CSMD1: variants seen among roughly 807,000 people sequenced by gnomAD.
CSMD1 encodes the protein CUB and Sushi multiple domains 1.
Under a neutral mutation model 417.5 loss-of-function variants are expected in CSMD1, and 213 were observed. The observed-to-expected ratio is 0.51, with a 90% CI of 0.46 to 0.57. The LOEUF (loss-of-function observed/expected upper bound fraction) is 0.57. Among genes scored for constraint, CSMD1 ranks in the 20% least tolerant of loss-of-function variants. The pLI is 0.00. For synonymous variants in CSMD1, 2,862 were observed against 1,736.8 expected, an observed-to-expected ratio of 1.65 and a Z score of -16.11; for missense variants, 6,923 against 4,529.7, an observed-to-expected ratio of 1.53 and a Z score of -15.17.
intron 3 of CSMD1, among the ~76,000 whole-genome samples, chr8:4,137,373 G>A (rs755900810): frequency 5.2e-5 from 4 of 77,390 alleles, no homozygotes; most frequent in Non-Finnish European, 1.6e-4. Flanking sequence ...AACTTCTTAT[G>A]CTAAATAGAT....
At chr8:4,845,855 T>G (rs968298391) in intron 1 of CSMD1, among the ~76,000 whole-genome samples, 1 of 152,236 alleles carries the variant, frequency 6.6e-6, no homozygotes, top group African/African-American at 2.4e-5. Flanking sequence ...GCTGAATTTT[T>G]CCCACTACCT....
At chr8:3,253,351 C>G (rs1464102865) in intron 26 of CSMD1, among the ~76,000 whole-genome samples, 9 of 152,076 alleles carry the variant, frequency 5.9e-5, no homozygotes, top group Admixed American at 5.9e-4. Context: ...GAGTGAGTTT[C>G]TTATTTCTGA....
At chr8:3,976,476 A>G (rs1462751164) in intron 5 of CSMD1, among the ~76,000 whole-genome samples, 1 of 152,204 alleles carries the variant, frequency 6.6e-6, no homozygotes, top group Non-Finnish European at 1.5e-5. Context: ...CGGGTCTAGA[A>G]GTGTGACTAA....
chr8:3,058,364 C>T lies in CSMD1; in HGVS notation c.7475-5717G>A, dbSNP rs1190579466. ...GGCCCATGAAACCAGAATATTAGAC[C>T]CGTATTTGTGGGTAGACAGTAAATA... is the stretch of plus-strand genomic sequence containing the variant. On this transcript the variant is annotated intron_variant, in intron 49 of 69. Transcript: ENST00000635120. 2.0e-5 allele frequency among the ~76,000 whole-genome samples: 3 copies of T among 152,072 alleles called. No individual in the cohort carries two copies. In the East Asian group the frequency reaches 5.8e-4, roughly 29 times the overall value.
intron 20 of CSMD1, among the ~76,000 whole-genome samples, chr8:3,366,224 G>C (rs761205810): frequency 3.3e-5 from 5 of 152,138 alleles, no homozygotes; most frequent in Non-Finnish European, 5.9e-5. Context: ...TAGTGCAGCA[G>C]GGCCCTTTCT....
intron 1 of CSMD1, among the ~76,000 whole-genome samples, chr8:4,848,298 G>C (rs1003855947): frequency 2.6e-5 from 4 of 152,134 alleles, no homozygotes; most frequent in African/African-American, 9.7e-5. Flanking sequence ...ACCAGTTTTT[G>C]TGTGAATACA....
At chr8:4,851,312 G>A (rs564461195) in intron 1 of CSMD1, among the ~76,000 whole-genome samples, 2 of 152,010 alleles carry the variant, frequency 1.3e-5, no homozygotes, top group Admixed American at 1.3e-4. Context: ...ATTCTATGGT[G>A]TATACATGCC....
chr8:4,571,226 G>T (rs949958580), intron 2 of CSMD1, among the ~76,000 whole-genome samples: 2 of 152,124 alleles, frequency 1.3e-5, no homozygotes, highest in African/African-American at 4.8e-5. Flanking sequence ...TCTTTCAGTT[G>T]TGATGTTAGG....
At chr8:3,793,988 C>T (rs988145132) in intron 5 of CSMD1, among the ~76,000 whole-genome samples, 1 of 152,200 alleles carries the variant, frequency 6.6e-6, no homozygotes, top group Admixed American at 6.5e-5. Context: ...CTGCTTTCCT[C>T]TTCCTGAACC....
At chr8:2,966,086 A>T in intron 58 of CSMD1, 132 bp from the exon 59 acceptor site, 1 of 729,938 alleles carries the variant, frequency 1.4e-6, no homozygotes, top group Non-Finnish European at 2.3e-6. Flanking sequence ...ATACAGCAAT[A>T]CTACCCTCTG....
chr8:3,311,574 G>C (rs1218801989), intron 23 of CSMD1, among the ~76,000 whole-genome samples: 1 of 152,166 alleles, frequency 6.6e-6, no homozygotes, highest in Non-Finnish European at 1.5e-5. Flanking sequence ...TACAAAACAA[G>C]CTTTATGCTA....
At chr8:4,902,637 C>G (rs1044417012) in intron 1 of CSMD1, among the ~76,000 whole-genome samples, 1 of 152,098 alleles carries the variant, frequency 6.6e-6, no homozygotes, top group Non-Finnish European at 1.5e-5. Context: ...CTATTTAACT[C>G]TTTATAACTT....
intron 3 of CSMD1, among the ~76,000 whole-genome samples, chr8:4,092,581 A>G (rs1800777991): frequency 6.6e-6 from 1 of 152,210 alleles, no homozygotes; most frequent in Non-Finnish European, 1.5e-5. Context: ...TCTTAACACT[A>G]CCAATAATTA....
chr8:3,837,439 G>C (rs1234517569), intron 5 of CSMD1, among the ~76,000 whole-genome samples: 1 of 152,080 alleles, frequency 6.6e-6, no homozygotes, highest in Non-Finnish European at 1.5e-5. Flanking sequence ...CATATGACAG[G>C]CATTTATAAG....
intron 37 of CSMD1, among the ~76,000 whole-genome samples, chr8:3,178,375 A>T (rs150361185): frequency 6.6e-6 from 1 of 151,980 alleles, no homozygotes; most frequent in South Asian, 2.1e-4. Flanking sequence ...CTTGATCCTC[A>T]GTATGGACTC....
intron 1 of CSMD1, among the ~76,000 whole-genome samples, chr8:4,908,453 CCTTTT>C (rs1262618287): frequency 6.6e-6 from 1 of 152,114 alleles, no homozygotes; most frequent in African/African-American, 2.4e-5. Flanking sequence ...TCTCTGCTCT[CCTTTT>C]CTTCTTTTAG....
In CSMD1 at chr8:3,943,325, G is replaced by C. The variant is rs114622480; in HGVS notation, c.818+54578C>G. Among the ~76,000 whole-genome samples, 1,010 of 149,652 alleles carry C rather than the reference G, an allele frequency of 6.7e-3. 16 individuals carry two copies. Among genetic ancestry groups the C allele is most frequent in the African/African-American group, 0.024 (980 of 40,660 alleles). The stretch of plus-strand genomic sequence containing the variant: ...TTGACAACTGCAGAACTAGAAGAGT[G>C]AAGTATTCTTGTAGTGAGTGAACTC... On this transcript the variant is annotated intron_variant, in intron 5 of 69. Coordinates refer to ENST00000635120, the MANE Select transcript of CSMD1 (RefSeq NM_033225.6).
At chr8:3,975,497 T>A (rs1437061055) in intron 5 of CSMD1, among the ~76,000 whole-genome samples, 1 of 152,160 alleles carries the variant, frequency 6.6e-6, no homozygotes, top group Admixed American at 6.5e-5. Flanking sequence ...CTCCATCAAG[T>A]AGCACAGAAA....
intron 1 of CSMD1, among the ~76,000 whole-genome samples, chr8:4,761,073 G>T (rs1812010025): frequency 6.6e-6 from 1 of 152,086 alleles, no homozygotes; most frequent in Non-Finnish European, 1.5e-5. Context: ...ATTAGCAGAA[G>T]TATGTGTTTG....
Sources: gnomAD v4.1 joint callset for allele counts (sites outside exome capture counted in the v4.1 genomes callset) on GRCh38, gnomAD v4.1.1 for gene constraint, MANE v1.5 for transcripts, NCBI Gene and HGNC (gene_info 2026-07-23, HGNC 2026-07-21) for gene names.